MCC: variants seen among roughly 807,000 people sequenced by gnomAD.
The protein encoded by MCC is MCC regulator of Wnt signaling pathway, also known as colorectal mutant cancer protein.
MCC carries 90 observed loss-of-function variants against 116.2 expected under a neutral mutation model. The observed-to-expected ratio is 0.77, with a 90% CI of 0.65 to 0.92. MCC has a LOEUF of 0.92. MCC is among the 40% of genes least tolerant of loss of function. The probability of loss-of-function intolerance (pLI) is 0.00; values close to 1 mark genes in which losing one functional copy is unlikely to be tolerated. For missense variants in MCC, 1,516 were observed against 1,312.2 expected, an observed-to-expected ratio of 1.16 and a Z score of -2.40; for synonymous variants, 578 against 510.5, an observed-to-expected ratio of 1.13 and a Z score of -1.78.
At chr5:113,125,093 G>C (rs1757967728) in intron 5 of MCC, among the ~76,000 whole-genome samples, 1 of 152,244 alleles carries the variant, frequency 6.6e-6, no homozygotes, top group African/African-American at 2.4e-5. Context: ...GCACAGGATG[G>C]AAACATGAGG....
intron 3 of MCC, among the ~76,000 whole-genome samples, chr5:113,209,400 G>C (rs1260852426): frequency 1.3e-5 from 2 of 152,164 alleles, no homozygotes; most frequent in African/African-American, 4.8e-5. Context: ...CAAAACATCA[G>C]ACGGTGCCGA....
chr5:113,027,990 C>A (rs1405581282), intron 18 of MCC, among the ~76,000 whole-genome samples: 1 of 152,140 alleles, frequency 6.6e-6, no homozygotes, highest in African/African-American at 2.4e-5. Context: ...GGCCATAAGC[C>A]AATGCTGCAA....
chr5:113,467,678 T>A (rs140050237), intron 1 of MCC, among the ~76,000 whole-genome samples: 6 of 151,998 alleles, frequency 3.9e-5, no homozygotes, highest in Admixed American at 1.3e-4. Flanking sequence ...CTCTTTTTTG[T>A]TTCCATATGA....
intron 1 of MCC, among the ~76,000 whole-genome samples, chr5:113,442,696 C>A (rs1033569681): frequency 6.6e-6 from 1 of 152,136 alleles, no homozygotes; most frequent in Non-Finnish European, 1.5e-5. Context: ...GGAAGGGATC[C>A]AGTTTCAGTT....
chr5:113,396,451 T>G, intron 1 of MCC, among the ~76,000 whole-genome samples: 1 of 146,672 alleles, frequency 6.8e-6, no homozygotes, highest in African/African-American at 2.6e-5. Context: ...GCCAACACGG[T>G]GAAACCCCAT....
At chr5:113,484,751 A>G (rs1254034540) in intron 1 of MCC, among the ~76,000 whole-genome samples, 2 of 152,374 alleles carry the variant, frequency 1.3e-5, no homozygotes, top group East Asian at 3.8e-4. Flanking sequence ...GTTCAACATA[A>G]GCAGTTTCTT....
At chr5:113,142,437 C>T (rs939099669) in intron 5 of MCC, among the ~76,000 whole-genome samples, 1 of 151,812 alleles carries the variant, frequency 6.6e-6, no homozygotes, top group East Asian at 1.9e-4. Context: ...GCAGATACAA[C>T]CAACTAATCA....
At chr5:113,032,593 C>G (rs1340650631) in intron 17 of MCC, among the ~76,000 whole-genome samples, 1 of 152,148 alleles carries the variant, frequency 6.6e-6, no homozygotes, top group Non-Finnish European at 1.5e-5. Context: ...GTGGACAGTG[C>G]TGCTCTAGAC....
At chr5:113,063,909 T>A (rs1753396694) in intron 14 of MCC, 75 bp downstream of exon 14, 2 of 1,475,040 alleles carry the variant, frequency 1.4e-6, no homozygotes, top group Non-Finnish European at 1.8e-6. Context: ...AAGAGCTGGG[T>A]CACTGCACAC....
intron 3 of MCC, among the ~76,000 whole-genome samples, chr5:113,315,704 C>CAAAAAAAA (rs35274366): frequency 7.8e-5 from 5 of 64,464 alleles, no homozygotes; most frequent in Non-Finnish European, 1.2e-4. Flanking sequence ...CCCATCTCTA[C>CAAAAAAAA]AAAAAAAAAA....
intron 1 of MCC, among the ~76,000 whole-genome samples, chr5:113,453,369 A>G (rs1771454528): frequency 6.6e-6 from 1 of 152,166 alleles, no homozygotes; most frequent in African/African-American, 2.4e-5. Flanking sequence ...TTTTTAAACA[A>G]GTGAAAATTA....
chr5:113,226,693 A>G (rs1763755106), intron 3 of MCC, among the ~76,000 whole-genome samples: 1 of 152,204 alleles, frequency 6.6e-6, no homozygotes, highest in Non-Finnish European at 1.5e-5. Context: ...ATAAACCAAT[A>G]AGGAACAACA....
At chr5:113,359,600 G>A (rs1023106317) in intron 2 of MCC, among the ~76,000 whole-genome samples, 1 of 152,206 alleles carries the variant, frequency 6.6e-6, no homozygotes, top group Non-Finnish European at 1.5e-5. Flanking sequence ...GCACAGCTGA[G>A]GCAAGCCTCT....
At chr5:113,124,854 G>T (rs1327224088) in intron 5 of MCC, among the ~76,000 whole-genome samples, 1 of 152,240 alleles carries the variant, frequency 6.6e-6, no homozygotes, top group Non-Finnish European at 1.5e-5. Context: ...AGGAGACAAA[G>T]ATGTTCACAA....
At chr5:113,161,944 G>A (rs1359351286) in intron 3 of MCC, among the ~76,000 whole-genome samples, 3 of 152,204 alleles carry the variant, frequency 2.0e-5, no homozygotes, top group Non-Finnish European at 2.9e-5. Flanking sequence ...GGCAGGCCCT[G>A]GCTTGTCTTG....
At position 113,295,661 on chromosome 5, in the gene MCC, G is replaced by A. The variant is rs529821206; in HGVS notation, c.627+44858C>T. 6.6e-5 allele frequency among the ~76,000 whole-genome samples: 10 copies of A among 152,314 alleles called. No homozygotes were observed. The South Asian group carries it at 1.9e-3, about 28-fold the overall frequency. Reference sequence around the variant, plus strand: ...TATACCCAGTACACCCCTGGGATCTGAGCTCCCCTTCAACTTTGAGTTCCC... The same window carrying A: ...TATACCCAGTACACCCCTGGGATCTAAGCTCCCCTTCAACTTTGAGTTCCC... On this transcript the variant is annotated intron_variant, in intron 3 of 18. Transcript: ENST00000408903.
chr5:113,056,561 T>TG (rs1752846021), intron 14 of MCC, among the ~76,000 whole-genome samples: 1 of 152,028 alleles, frequency 6.6e-6, no homozygotes. Context: ...CAACAAACAA[T>TG]GGGCCTACTT....
At chr5:113,030,525 T>C (rs562339328) in intron 17 of MCC, among the ~76,000 whole-genome samples, 2 of 152,086 alleles carry the variant, frequency 1.3e-5, no homozygotes, top group Non-Finnish European at 2.9e-5. Flanking sequence ...CAAAAAAATA[T>C]AAAACTTAGC....
At position 113,395,452 on chromosome 5, in the gene MCC, A is replaced by C. The variant is rs558544391; in HGVS notation, c.171-10240T>G. On this transcript the variant is annotated intron_variant, in intron 1 of 18. Coordinates refer to ENST00000408903, the MANE Select transcript of MCC (RefSeq NM_001085377.2). ...GTTCCAAAGAAGATAGCTACAGATA[A>C]AAAGTTAAATATCTCCACAGGTAGC... Among the ~76,000 whole-genome samples, 7 of 152,332 alleles carry C rather than the reference A, an allele frequency of 4.6e-5. No individual in the cohort carries two copies. In the South Asian group the frequency reaches 1.5e-3, roughly 32 times the overall value.
Sources: allele counts gnomAD v4.1 joint callset (sites outside exome capture counted in the v4.1 genomes callset), GRCh38; gene constraint gnomAD v4.1.1; transcripts MANE v1.5; gene names NCBI Gene and HGNC (gene_info 2026-07-23, HGNC 2026-07-21).